CGAS: variants seen among roughly 807,000 people sequenced by gnomAD.
CGAS encodes 2'3'-cGAMP synthase.
Under a neutral mutation model 34.0 loss-of-function variants are expected in CGAS, and 31 were observed. The observed-to-expected ratio is 0.91, with a 90% confidence interval of 0.69 to 1.23. The LOEUF (loss-of-function observed/expected upper bound fraction) is 1.23, where lower values mean the gene tolerates loss of function less well. Among genes scored for constraint, CGAS ranks in the 50% most tolerant of loss-of-function variants. The probability of loss-of-function intolerance (pLI) is 0.00; values close to 1 mark genes in which losing one functional copy is unlikely to be tolerated. For missense variants in CGAS, 597 were observed against 657.6 expected (o/e 0.91, Z 1.01); for synonymous variants, 266 against 260.0 (o/e 1.02, Z -0.22).
At chr6:73,430,980 T>C (rs904483090) in intron 3 of CGAS, among the ~76,000 whole-genome samples, 4 of 152,106 alleles carry the variant, frequency 2.6e-5, no homozygotes, top group African/African-American at 9.7e-5. Context: ...CACACAGTTG[T>C]AATCCCAGCT....
chr6:73,449,509 A>ACACACACACACACACACACAC (rs1554239200), intron 1 of CGAS, among the ~76,000 whole-genome samples: 1 of 119,386 alleles, frequency 8.4e-6, no homozygotes, highest in Non-Finnish European at 2.0e-5. Flanking sequence ...ACACACACAC[A>ACACACACACACACACACACAC]AAGTGGTTCT....
In CGAS at chr6:73,440,296, A is replaced by G; in HGVS notation, c.1027T>C (p.Trp343Arg). Residue 343 changes from tryptophan to arginine, a missense_variant, in exon 3 of 5, where the codon TGG (tryptophan) becomes CGG (arginine). By Grantham distance (101) the Trp-to-Arg change is moderately radical (BLOSUM62 -3). Around this residue, in one of 3 missense-constraint regions of CGAS, gnomAD observed 271 missense variants for 324.1 expected, o/e 0.84. Transcript: ENST00000370315. ...STQEGLRIQN[W>R]LSAKVRKQLR... is the part of the protein sequence containing the mutation. ...TGCTTCCTAACTTTTGCTGAAAGCC[A>G]GTTTTGAATGCGCAGGCCTTCTTGG... 2 of 1,614,200 alleles carry G rather than the reference A, an allele frequency of 1.2e-6. No homozygotes were observed. The highest frequency in any genetic ancestry group is 1.7e-6 in the Non-Finnish European group (2 of 1,180,034).
chr6:73,425,297 C>T lies in CGAS; in HGVS notation c.1499G>A (p.Ser500Asn). The T allele has an allele frequency of 6.3e-7, 1 of 1,599,760 alleles. No homozygotes were observed. ...LFSSNLIDKR[S>N]KEFLTKQIEY... ...AATTTGCTTTGTCAGAAATTCCTTA[C>T]TTCTTTTGTCAATTAAGTTGCTAGA... Residue 500 changes from serine to asparagine, a missense_variant, in exon 5 of 5, where the codon AGT (serine) becomes AAT (asparagine). This residue lies in a region of CGAS where 271 missense variants were observed against 324.1 expected (regional missense o/e 0.84). Transcript: ENST00000370315.
chr6:73,425,712 C>T lies in CGAS; in HGVS notation c.1218-134G>A, dbSNP rs142441657. 197 of 589,154 alleles carry T rather than the reference C, an allele frequency of 3.3e-4. 1 individual carries two copies. The East Asian group carries it at 5.1e-3, about 15-fold the overall frequency. The allele number at this position is 589,154 out of a possible 1,614,324, so 36.5% of individuals were successfully genotyped here. A position where few individuals can be genotyped will look rare whatever the true frequency, so the allele number is the denominator to read the frequency against. ...ATATAGGCCGGGCGTGGTGACACAA[C>T]GCCTGTAATCCCAGCACTTTGGGAG... is the stretch of plus-strand genomic sequence containing the variant. On this transcript the variant is annotated intron_variant, in intron 4 of 4. Transcript: ENST00000370315.
chr6:73,443,972 G>A (rs1193864887), intron 2 of CGAS, among the ~76,000 whole-genome samples: 1 of 152,140 alleles, frequency 6.6e-6, no homozygotes, highest in East Asian at 1.9e-4. Flanking sequence ...CTGACTTGTA[G>A]ACCCTGAAAA....
intron 2 of CGAS, 83 bp from the exon 3 acceptor site, chr6:73,440,528 T>C (rs1408837182): frequency 8.5e-7 from 1 of 1,171,796 alleles, no homozygotes; most frequent in African/African-American, 1.5e-5. Context: ...TAACTATAAT[T>C]GAAGATCTCT....
At position 73,451,932 on chromosome 6, in the gene CGAS, C is replaced by A; in HGVS notation, c.250G>T (p.Ala84Ser). The A allele has an allele frequency of 6.7e-7, 1 of 1,502,288 alleles. No homozygotes were observed. Among genetic ancestry groups the A allele is most frequent in the Middle Eastern group, 2.0e-4 (1 of 5,124 alleles). The allele number at this position is 1,502,288 out of a possible 1,614,324, so 93.1% of individuals were successfully genotyped here. A position where few individuals can be genotyped will look rare whatever the true frequency, so the allele number is the denominator to read the frequency against. Reference sequence around the variant, plus strand: ...TGCGTGTCCTGGGCGCGCTGAGGGGCCTTTTTGGCGCGGGCCCCAGTTGCG... The same window carrying A: ...TGCGTGTCCTGGGCGCGCTGAGGGGACTTTTTGGCGCGGGCCCCAGTTGCG... ...VRATGARAKK[A>S]PQRAQDTQPS... is the part of the protein sequence containing the mutation. The change falls in exon 1 of 5, where the codon GCC (alanine) becomes TCC (serine). Residue 84 changes from alanine to serine, a missense_variant. Physicochemically the swap from Ala to Ser is moderately conservative, Grantham distance 99. Transcript: ENST00000370315.
chr6:73,444,836 A>G (rs1770442956), intron 2 of CGAS, among the ~76,000 whole-genome samples: 1 of 152,140 alleles, frequency 6.6e-6, no homozygotes, highest in Non-Finnish European at 1.5e-5. Context: ...TCCAAGCTGT[A>G]GCAGCACTTG....
intron 3 of CGAS, among the ~76,000 whole-genome samples, chr6:73,432,161 T>G (rs1191653956): frequency 6.6e-6 from 1 of 151,218 alleles, no homozygotes; most frequent in East Asian, 1.9e-4. Context: ...ACATTTATTT[T>G]TATTTATTTT....
chr6:73,451,749 C>T lies in CGAS; in HGVS notation c.433G>A (p.Gly145Ser), dbSNP rs373045600. The change falls in exon 1 of 5, where the codon GGC (glycine) becomes AGC (serine). Residue 145 changes from glycine to serine, a missense_variant. Physicochemically the swap from Gly to Ser is moderately conservative, Grantham distance 56. Coordinates refer to ENST00000370315, the MANE Select transcript of CGAS (RefSeq NM_138441.3). ...AGAATGGGGGCCGAGACCGGCAGGCCGGGGCTGGGCACGTCCCAGGGCCCG... is the reference window on the plus strand; with the variant it reads ...AGAATGGGGGCCGAGACCGGCAGGCTGGGGCTGGGCACGTCCCAGGGCCCG... ...PPGPWDVPSP[G>S]LPVSAPILVR... 79 of 1,610,006 alleles carry T rather than the reference C, an allele frequency of 4.9e-5. No individual in the cohort carries two copies. Among genetic ancestry groups the T allele is most frequent in the Non-Finnish European group, 6.4e-5 (76 of 1,178,654 alleles).
Position 73,430,664 on chromosome 6 carries a change from G to GA in CGAS, c.1115-1854dup, listed in dbSNP as rs560241382. 6.2e-4 allele frequency among the ~76,000 whole-genome samples: 89 copies of GA among 144,334 alleles called. 2 individuals carry two copies. The South Asian group carries it at 0.016, about 26-fold the overall frequency. The allele number at this position is 144,334 out of a possible 152,430, so 94.7% of individuals were successfully genotyped here. A position where few individuals can be genotyped will look rare whatever the true frequency, so the allele number is the denominator to read the frequency against. On this transcript the variant is annotated intron_variant, in intron 3 of 4. Transcript: ENST00000370315. ...TCAAAAAAGAAAGAAAATGAAAAAAGAAAAAAAAAATTATGTAAATAAACT... is the reference window on the plus strand; with the variant it reads ...TCAAAAAAGAAAGAAAATGAAAAAAGAAAAAAAAAAATTATGTAAATAAACT...
intron 2 of CGAS, among the ~76,000 whole-genome samples, chr6:73,441,594 T>C (rs1486758824): frequency 6.6e-6 from 1 of 152,070 alleles, no homozygotes; most frequent in Non-Finnish European, 1.5e-5. Flanking sequence ...GAAGAAAGAT[T>C]GGGCCAAGCT....
In CGAS at chr6:73,450,039, A is replaced by AAGAGAG. The variant is rs35518684; in HGVS notation, c.657+1480_657+1485dup. Among the ~76,000 whole-genome samples, 562 of 148,356 alleles carry AAGAGAG rather than the reference A, an allele frequency of 3.8e-3. 21 individuals carry two copies. The East Asian group carries it at 0.089, about 23-fold the overall frequency. ...AAGAAAAGAAAGAAAGAACAAAATAAAGAGAGAGAGAGAGAGAGGAAGAGA... is the reference window on the plus strand; with the variant it reads ...AAGAAAAGAAAGAAAGAACAAAATAAAGAGAGAGAGAGAGAGAGAGAGAGGAAGAGA... On this transcript the variant is annotated intron_variant, in intron 1 of 4. Transcript: ENST00000370315.
chr6:73,432,853 G>A (rs1770217308), intron 3 of CGAS, among the ~76,000 whole-genome samples: 1 of 152,156 alleles, frequency 6.6e-6, no homozygotes, highest in South Asian at 2.1e-4. Context: ...GGAGGCCGAG[G>A]TGAGCAGATC....
chr6:73,427,823 T>C (rs914040430), intron 4 of CGAS, among the ~76,000 whole-genome samples: 1 of 151,782 alleles, frequency 6.6e-6, no homozygotes, highest in Non-Finnish European at 1.5e-5. Flanking sequence ...ATAAAAAAAA[T>C]TTTTTTTGAG....
At chr6:73,448,329 G>A (rs1381366677) in intron 1 of CGAS, among the ~76,000 whole-genome samples, 1 of 152,064 alleles carries the variant, frequency 6.6e-6, no homozygotes, top group Non-Finnish European at 1.5e-5. Flanking sequence ...GGAGGCAGAG[G>A]TTGCAGTGAG....
chr6:73,450,832 CA>C (rs1237722868), intron 1 of CGAS, among the ~76,000 whole-genome samples: 2 of 150,798 alleles, frequency 1.3e-5, no homozygotes, highest in Non-Finnish European at 3.0e-5. Context: ...ACTAAAAATA[CA>C]AAAAAAATTA....
At chr6:73,431,465 C>G (rs1452196159) in intron 3 of CGAS, among the ~76,000 whole-genome samples, 1 of 151,894 alleles carries the variant, frequency 6.6e-6, no homozygotes, top group Non-Finnish European at 1.5e-5. Flanking sequence ...GAGCAAAACT[C>G]CCTCTCAAAA....
At chr6:73,437,965 A>T (rs1373645501) in intron 3 of CGAS, among the ~76,000 whole-genome samples, 1 of 152,156 alleles carries the variant, frequency 6.6e-6, no homozygotes, top group Non-Finnish European at 1.5e-5. Context: ...GCTACTCGAG[A>T]TGCTGAAGTG....
Sources: gnomAD v4.1 joint callset for allele counts (sites outside exome capture counted in the v4.1 genomes callset) on GRCh38, gnomAD v4.1.1 for gene constraint, gnomAD v4.1.1 regional missense constraint, MANE v1.5 for transcripts, NCBI Gene and HGNC (gene_info 2026-07-23, HGNC 2026-07-21) for gene names.